The following SORCS2 variants were observed in gnomAD, a reference collection of about 807,000 sequenced individuals.
SORCS2 encodes sortilin related VPS10 domain containing receptor 2.
In SORCS2, 100 loss-of-function variants were observed where a neutral mutation model predicts 141.6. That is an observed-to-expected ratio of 0.71 (90% CI 0.60 to 0.83). The LOEUF (loss-of-function observed/expected upper bound fraction) is 0.83. Among genes scored for constraint, SORCS2 ranks in the 40% least tolerant of loss-of-function variants. The pLI is 0.00. For missense variants in SORCS2, 1,646 were observed against 1,560.2 expected, an observed-to-expected ratio of 1.05 and a Z score of -0.93; for synonymous variants, 789 against 676.9, an observed-to-expected ratio of 1.17 and a Z score of -2.57.
chr4:7,683,847 C>T (rs1417785991), intron 10 of SORCS2, among the ~76,000 whole-genome samples: 1 of 152,178 alleles, frequency 6.6e-6, no homozygotes, highest in Admixed American at 6.5e-5. Context: ...GAGAATCTCT[C>T]AAAGTAGCTG....
intron 2 of SORCS2, among the ~76,000 whole-genome samples, chr4:7,500,821 T>G (rs1391077990): frequency 6.6e-6 from 1 of 152,178 alleles, no homozygotes; most frequent in Middle Eastern, 3.2e-3. Context: ...CATGTACCCC[T>G]GAGGGTTGCA....
intron 1 of SORCS2, among the ~76,000 whole-genome samples, chr4:7,390,941 G>A (rs1723819365): frequency 6.6e-6 from 1 of 152,192 alleles, no homozygotes; most frequent in African/African-American, 2.4e-5. Context: ...CGAACTCTGC[G>A]AACTCAGAAA....
intron 2 of SORCS2, among the ~76,000 whole-genome samples, chr4:7,475,303 T>A (rs1273660480): frequency 1.3e-5 from 2 of 151,984 alleles, no homozygotes; most frequent in East Asian, 1.9e-4. Flanking sequence ...GGAGAGCTGG[T>A]CATGGTGGGA....
intron 1 of SORCS2, among the ~76,000 whole-genome samples, chr4:7,231,586 G>A (rs1290466687): frequency 2.6e-5 from 4 of 152,182 alleles, no homozygotes; most frequent in African/African-American, 9.7e-5. Context: ...CTTAGCAAAT[G>A]TTTATGGAAC....
chr4:7,331,581 G>A (rs1719658242), intron 1 of SORCS2, among the ~76,000 whole-genome samples: 1 of 152,172 alleles, frequency 6.6e-6, no homozygotes. Context: ...ACCCAGTGGG[G>A]TGTGGGAGGG....
In SORCS2 at chr4:7,728,468, C is replaced by A; in HGVS notation, c.2982+6C>A. 6.2e-7 allele frequency: 1 copy of A among 1,602,922 alleles called. No individual in the cohort carries two copies. The highest frequency in any genetic ancestry group is 8.5e-7 in the Non-Finnish European group (1 of 1,173,504). ...TCACCCGGCTGCTCTCCAAGGTGTCCACCCAGAGCCTAGAGCCTCCCCAGC... is the reference window on the plus strand; with the variant it reads ...TCACCCGGCTGCTCTCCAAGGTGTCAACCCAGAGCCTAGAGCCTCCCCAGC... On this transcript the variant is annotated splice_donor_region_variant and intron_variant, in intron 22 of 26. Transcript: ENST00000507866.
chr4:7,284,046 T>G (rs1274071601), intron 1 of SORCS2, among the ~76,000 whole-genome samples: 1 of 152,142 alleles, frequency 6.6e-6, no homozygotes, highest in Non-Finnish European at 1.5e-5. Context: ...TGGGGACACC[T>G]GGAGTAAACC....
intron 1 of SORCS2, among the ~76,000 whole-genome samples, chr4:7,223,714 G>C (rs946472378): frequency 5.9e-5 from 9 of 152,138 alleles, no homozygotes; most frequent in African/African-American, 2.2e-4. Flanking sequence ...AGGTGCCTCA[G>C]GGGCCTCCTG....
intron 1 of SORCS2, among the ~76,000 whole-genome samples, chr4:7,266,107 C>T (rs1212716501): frequency 5.9e-5 from 9 of 152,168 alleles, no homozygotes; most frequent in African/African-American, 1.4e-4. Context: ...TGTTTCTTGC[C>T]TGGGCCCTGG....
At chr4:7,698,963 G>A (rs1724884063) in intron 12 of SORCS2, among the ~76,000 whole-genome samples, 1 of 152,186 alleles carries the variant, frequency 6.6e-6, no homozygotes, top group African/African-American at 2.4e-5. Flanking sequence ...GGTCTCCGTG[G>A]CTTCCTATCG....
intron 2 of SORCS2, among the ~76,000 whole-genome samples, chr4:7,443,398 G>A (rs1727799887): frequency 6.6e-6 from 1 of 152,176 alleles, no homozygotes; most frequent in African/African-American, 2.4e-5. Context: ...TCTGGCTGCT[G>A]CCTCTAAAGC....
intron 26 of SORCS2, among the ~76,000 whole-genome samples, chr4:7,739,126 A>T (rs1712442230): frequency 6.6e-6 from 1 of 152,218 alleles, no homozygotes; most frequent in Non-Finnish European, 1.5e-5. Flanking sequence ...GCTGAGGGTC[A>T]GAGCTGTTAC....
At chr4:7,507,015 A>G (rs989400079) in intron 2 of SORCS2, among the ~76,000 whole-genome samples, 3 of 151,880 alleles carry the variant, frequency 2.0e-5, no homozygotes, top group Non-Finnish European at 4.4e-5. Flanking sequence ...TGTCACAGGA[A>G]CCCCTCACTG....
chr4:7,452,986 G>T (rs1261391624), intron 2 of SORCS2, among the ~76,000 whole-genome samples: 2 of 121,962 alleles, frequency 1.6e-5, no homozygotes, highest in Non-Finnish European at 3.5e-5. Context: ...GTTGGGGTCA[G>T]GCTCCGTGTT....
At chr4:7,213,679 C>T (rs565638253) in intron 1 of SORCS2, among the ~76,000 whole-genome samples, 1 of 152,290 alleles carries the variant, frequency 6.6e-6, no homozygotes, top group East Asian at 1.9e-4. Context: ...AAAGCCGAGG[C>T]CCAGGAGGTG....
rs551065203 is a variant in SORCS2, at chr4:7,248,514, A to G, written c.480+55388A>G. On this transcript the variant is annotated intron_variant, in intron 1 of 26. Coordinates refer to ENST00000507866, the MANE Select transcript of SORCS2 (RefSeq NM_020777.3). Reference sequence around the variant, plus strand: ...TGAGAATTGAAGACAGAATCTGTGAAGTGCCTGGCCTGCCAAAAGCCTTCT... The same window carrying G: ...TGAGAATTGAAGACAGAATCTGTGAGGTGCCTGGCCTGCCAAAAGCCTTCT... Among the ~76,000 whole-genome samples, 8 of 152,312 alleles carry G rather than the reference A, an allele frequency of 5.3e-5. 1 individual carries two copies. Among genetic ancestry groups the G allele is most frequent in the African/African-American group, 1.9e-4 (8 of 41,568 alleles).
intron 5 of SORCS2, among the ~76,000 whole-genome samples, chr4:7,655,641 C>T (rs190875510): frequency 6.6e-6 from 1 of 152,336 alleles, no homozygotes; most frequent in East Asian, 1.9e-4. Flanking sequence ...GCGGATTGCC[C>T]ACGGGAGGGC....
intron 1 of SORCS2, among the ~76,000 whole-genome samples, chr4:7,374,720 T>TA (rs778059937): frequency 2.0e-5 from 3 of 152,176 alleles, no homozygotes; most frequent in Non-Finnish European, 4.4e-5. Context: ...AGGTGGCTTG[T>TA]ACAGTGTCTC....
At chr4:7,436,293 A>C (rs1727294749) in intron 2 of SORCS2, among the ~76,000 whole-genome samples, 1 of 152,188 alleles carries the variant, frequency 6.6e-6, no homozygotes, top group Non-Finnish European at 1.5e-5. Context: ...GCACGTGTTG[A>C]TACATTTCTA....
Sources: gnomAD v4.1 joint callset for allele counts (sites outside exome capture counted in the v4.1 genomes callset) on GRCh38, gnomAD v4.1.1 for gene constraint, MANE v1.5 for transcripts, NCBI Gene and HGNC (gene_info 2026-07-23, HGNC 2026-07-21) for gene names.